NAALAD2: variants seen among roughly 807,000 people sequenced by gnomAD.
NAALAD2 encodes the protein N-acetylated alpha-linked acidic dipeptidase 2.
Under a neutral mutation model 95.6 loss-of-function variants are expected in NAALAD2, and 89 were observed. The observed-to-expected ratio is 0.93, with a 90% confidence interval of 0.78 to 1.11. NAALAD2 has a LOEUF of 1.11. NAALAD2 is among the 50% of genes least tolerant of loss of function. The pLI is 0.00. For missense variants in NAALAD2, 894 were observed against 872.4 expected (o/e 1.02, Z -0.31); for synonymous variants, 264 against 294.4 (o/e 0.90, Z 1.06).
chr11:90,140,352 G>C (rs1951574861), intron 2 of NAALAD2, among the ~76,000 whole-genome samples: 1 of 151,902 alleles, frequency 6.6e-6, no homozygotes, highest in Non-Finnish European at 1.5e-5. Context: ...CCTACGTTTT[G>C]ATACATTTTA....
rs1336127404 is a variant in NAALAD2, at chr11:90,163,598, G to A, written c.1259G>A (p.Gly420Asp). 5 of 1,614,058 alleles carry A rather than the reference G, an allele frequency of 3.1e-6. No individual in the cohort carries two copies. The highest frequency in any genetic ancestry group is 4.2e-6 in the Non-Finnish European group (5 of 1,179,960). The stretch of plus-strand genomic sequence containing the variant: ...GATGCAGAAGAATTTGGACTTCTGG[G>A]TTCCACAGAATGGGCTGAGGTAAAT... ...SWDAEEFGLLGSTEWAEENVK... is the reference protein window; with the variant it reads ...SWDAEEFGLLDSTEWAEENVK... Residue 420 changes from glycine (G) to aspartate (D), a missense_variant, in exon 11 of 19, where the codon GGT (glycine) becomes GAT (aspartate). Coordinates refer to ENST00000534061, the MANE Select transcript of NAALAD2 (RefSeq NM_005467.4).
intron 11 of NAALAD2, among the ~76,000 whole-genome samples, chr11:90,166,740 C>T (rs1952462711): frequency 6.6e-6 from 1 of 150,660 alleles, no homozygotes; most frequent in Non-Finnish European, 1.5e-5. Context: ...GAGGCTGAGG[C>T]AGGAGAATGG....
In NAALAD2 at chr11:90,176,008, T is replaced by C. The variant is rs766508517; in HGVS notation, c.1539T>C (p.Ala513=). 6.2e-7 allele frequency: 1 copy of C among 1,613,926 alleles called. No homozygotes were observed. The highest frequency in any genetic ancestry group is 2.2e-5 in the East Asian group (1 of 44,854). Reference sequence around the variant, plus strand: ...TGGGATCTGGAAGTGACTTTGAAGCTTATTTTCAGAGACTTGGAATTGCTT... The same window carrying C: ...TGGGATCTGGAAGTGACTTTGAAGCCTATTTTCAGAGACTTGGAATTGCTT... The part of the protein sequence containing the change: ...NKLGSGSDFE[A]YFQRLGIASG... The change falls in exon 15 of 19, where the codon GCT becomes GCC. Residue 513 remains alanine, a synonymous_variant. Transcript: ENST00000534061.
intron 1 of NAALAD2, 43 bp downstream of exon 1, chr11:90,134,883 T>C: frequency 6.3e-7 from 1 of 1,599,932 alleles, no homozygotes. Flanking sequence ...GGGCTCGTGA[T>C]TCTCTGCAGA....
chr11:90,184,373 G>A (rs1218547496), intron 18 of NAALAD2, among the ~76,000 whole-genome samples: 1 of 152,050 alleles, frequency 6.6e-6, no homozygotes, highest in Non-Finnish European at 1.5e-5. Context: ...TAGGCCTGTA[G>A]ATTTAAGGCC....
chr11:90,139,361 GCCTATC>G (rs1156427487), intron 2 of NAALAD2, among the ~76,000 whole-genome samples: 1 of 152,102 alleles, frequency 6.6e-6, no homozygotes, highest in Non-Finnish European at 1.5e-5. Context: ...AGTAGAATTC[GCCTATC>G]CCTTCCTGCC....
intron 2 of NAALAD2, among the ~76,000 whole-genome samples, chr11:90,139,703 A>G (rs1951554643): frequency 6.6e-6 from 1 of 152,286 alleles, no homozygotes; most frequent in South Asian, 2.1e-4. Context: ...CTCAAATCAC[A>G]TTAATTAGAG....
At chr11:90,181,991 C>CT (rs1952986931) in intron 17 of NAALAD2, among the ~76,000 whole-genome samples, 1 of 150,674 alleles carries the variant, frequency 6.6e-6, no homozygotes, top group South Asian at 2.1e-4. Flanking sequence ...GAATGGTAGA[C>CT]TAAAAACTCA....
At chr11:90,181,729 A>ATT (rs1565548050) in intron 17 of NAALAD2, 28 bp downstream of exon 17, 1 of 498,908 alleles carries the variant, frequency 2.0e-6, no homozygotes, top group African/African-American at 6.4e-5. Flanking sequence ...TTTTTTTTAA[A>ATT]AAAAAAAAAA....
At chr11:90,152,623 G>A in intron 6 of NAALAD2, 139 bp downstream of exon 6, 2 of 585,772 alleles carry the variant, frequency 3.4e-6, no homozygotes, top group Non-Finnish European at 5.5e-6. Context: ...CTGCTGCTAG[G>A]AATTTTAAAA....
chr11:90,157,909 C>T lies in NAALAD2; in HGVS notation c.797-236C>T, dbSNP rs531394278. 2.0e-5 allele frequency among the ~76,000 whole-genome samples: 3 copies of T among 152,122 alleles called. No individual in the cohort carries two copies. The South Asian group carries it at 6.2e-4, about 32-fold the overall frequency. On this transcript the variant is annotated intron_variant, in intron 6 of 18. Transcript: ENST00000534061. Reference sequence around the variant, plus strand: ...CTAATTTTTGTATTTTCAGTAGAGACGGGGTTTCACCATGTTGGCCAGGAT... The same window carrying T: ...CTAATTTTTGTATTTTCAGTAGAGATGGGGTTTCACCATGTTGGCCAGGAT...
upstream of NAALAD2, chr11:90,134,552 G>A (rs1951406480): frequency 5.3e-6 from 3 of 561,456 alleles, no homozygotes; most frequent in East Asian, 5.9e-5. Context: ...CAGGAAGAAT[G>A]TCTCCTCCCT....
At chr11:90,161,869 T>C (rs931615547) in intron 8 of NAALAD2, among the ~76,000 whole-genome samples, 46 of 152,052 alleles carry the variant, frequency 3.0e-4, no homozygotes, top group Admixed American at 1.2e-3. Flanking sequence ...GCTTTTCTGC[T>C]ATTAATTTTC....
chr11:90,154,904 G>A (rs572478954), intron 6 of NAALAD2, among the ~76,000 whole-genome samples: 1 of 102,252 alleles, frequency 9.8e-6, no homozygotes, highest in Non-Finnish European at 1.8e-5. Flanking sequence ...TATTATATAC[G>A]TATACATATG....
intron 18 of NAALAD2, among the ~76,000 whole-genome samples, chr11:90,185,167 T>A (rs1376750042): frequency 6.6e-6 from 1 of 151,540 alleles, no homozygotes; most frequent in African/African-American, 2.4e-5. Flanking sequence ...ATACATATAT[T>A]ACATTTATAT....
Position 90,135,559 on chromosome 11 carries a change from G to T in NAALAD2, c.83G>T (p.Gly28Val). Reference protein sequence around the residue: ...LASFLMGFMVGWFIKPLKETT... With the variant: ...LASFLMGFMVVWFIKPLKETT... ...ATGTTTGTGTATTTTTTTTCCTTAG[G>T]CTGGTTTATTAAGCCTCTCAAAGAA... The change falls in exon 2 of 19, where the codon GGC becomes GTC. Residue 28 changes from glycine to valine, a missense_variant and splice_region_variant. Transcript: ENST00000534061. 1.2e-6 allele frequency: 2 copies of T among 1,603,016 alleles called. No homozygotes were observed. Among genetic ancestry groups the T allele is most frequent in the South Asian group, 2.2e-5 (2 of 89,546 alleles).
At chr11:90,176,419 T>A (rs188014301) in intron 15 of NAALAD2, among the ~76,000 whole-genome samples, 7 of 152,168 alleles carry the variant, frequency 4.6e-5, no homozygotes, top group Non-Finnish European at 8.8e-5. Context: ...ATAAATGCAG[T>A]TGGAGAACAT....
At chr11:90,173,987 A>G in intron 14 of NAALAD2, 72 bp downstream of exon 14, 1 of 1,023,278 alleles carries the variant, frequency 9.8e-7, no homozygotes, top group South Asian at 1.4e-5. Flanking sequence ...TGTTTCTCCA[A>G]GCATGAAATT....
intron 6 of NAALAD2, among the ~76,000 whole-genome samples, chr11:90,153,946 A>G (rs1590975230): frequency 6.6e-6 from 1 of 152,000 alleles, no homozygotes; most frequent in African/African-American, 2.4e-5. Flanking sequence ...TGTAGCTTCT[A>G]TCAGCATTTT....
Sources: allele counts gnomAD v4.1 joint callset (sites outside exome capture counted in the v4.1 genomes callset), GRCh38; gene constraint gnomAD v4.1.1; transcripts MANE v1.5; gene names NCBI Gene and HGNC (gene_info 2026-07-23, HGNC 2026-07-21).